Variants in MGST2 observed in about 807,000 individuals in gnomAD.
MGST2 encodes the protein glutathione peroxidase MGST2.
MGST2 carries 9 observed loss-of-function variants against 16.6 expected under a neutral mutation model. That is an observed-to-expected ratio of 0.54 (90% confidence interval 0.33 to 0.95). MGST2 has a LOEUF of 0.95. MGST2 is among the 40% of genes least tolerant of loss of function. MGST2 has a pLI of 0.03. For missense variants in MGST2, 159 were observed against 175.1 expected (o/e 0.91, Z 0.52); for synonymous variants, 79 against 68.0 (o/e 1.16, Z -0.79).
chr4:139,681,588 T>C (rs1201145563), intron 2 of MGST2, among the ~76,000 whole-genome samples: 1 of 152,236 alleles, frequency 6.6e-6, no homozygotes, highest in Non-Finnish European at 1.5e-5. Flanking sequence ...TTGTTGGTGC[T>C]GATGTTAAAC....
intron 1 of MGST2, among the ~76,000 whole-genome samples, chr4:139,668,384 G>A (rs1395396303): frequency 6.6e-6 from 1 of 152,184 alleles, no homozygotes; most frequent in East Asian, 1.9e-4. Context: ...TCTACAGAAT[G>A]TAGACTTTCC....
chr4:139,727,425 G>A (rs765029660), intron 5 of MGST2, among the ~76,000 whole-genome samples: 11 of 152,150 alleles, frequency 7.2e-5, no homozygotes, highest in Non-Finnish European at 1.3e-4. Flanking sequence ...TCCCACTTAC[G>A]ACTAGGAATG....
chr4:139,675,799 T>C lies in MGST2; in HGVS notation c.59-2744T>C, dbSNP rs973054595. On this transcript the variant is annotated intron_variant, in intron 1 of 4. Transcript: ENST00000265498. ...GGTAATTTGGTCCATATTAGCCACA[T>C]ATGTCATGATAAATGATTACATTTG... Among the ~76,000 whole-genome samples, 6 of 152,358 alleles carry C rather than the reference T, an allele frequency of 3.9e-5. No individual in the cohort carries two copies. In the South Asian group the frequency reaches 1.0e-3, roughly 26 times the overall value.
chr4:139,733,553 G>A (rs1192564832), intron 5 of MGST2, among the ~76,000 whole-genome samples: 1 of 106,022 alleles, frequency 9.4e-6, no homozygotes, highest in Non-Finnish European at 1.9e-5. Flanking sequence ...CAAAAGCACA[G>A]TGTGAAAAAA....
intron 1 of MGST2, among the ~76,000 whole-genome samples, chr4:139,671,487 C>G (rs8192024): frequency 5.3e-5 from 8 of 150,744 alleles, no homozygotes; most frequent in Non-Finnish European, 8.9e-5. Context: ...TATATATTTT[C>G]AGACCTACTG....
chr4:139,725,269 A>ATTCTTCCAC (rs1728422339), intron 5 of MGST2, among the ~76,000 whole-genome samples: 1 of 152,212 alleles, frequency 6.6e-6, no homozygotes, highest in South Asian at 2.1e-4. Flanking sequence ...TGCAAGCCAG[A>ATTCTTCCAC]TTCTTCCACT....
chr4:139,692,658 T>C (rs1179106961), intron 2 of MGST2, among the ~76,000 whole-genome samples: 1 of 152,236 alleles, frequency 6.6e-6, no homozygotes, highest in Non-Finnish European at 1.5e-5. Flanking sequence ...GTCTCTGGTT[T>C]CCCATTAGGT....
At chr4:139,698,479 C>A in intron 3 of MGST2, 1 of 1,196,590 alleles carries the variant, frequency 8.4e-7, no homozygotes. Context: ...CTCTTGCGAG[C>A]GGCTTTTGTA....
downstream of MGST2, among the ~76,000 whole-genome samples, chr4:139,708,127 T>C (rs1196747688): frequency 6.6e-6 from 1 of 152,198 alleles, no homozygotes; most frequent in Non-Finnish European, 1.5e-5. Context: ...ATGAAGTCCT[T>C]GTCCTTGCCC....
At chr4:139,716,041 A>C (rs955570499) in intron 5 of MGST2, among the ~76,000 whole-genome samples, 3 of 152,160 alleles carry the variant, frequency 2.0e-5, no homozygotes, top group Non-Finnish European at 4.4e-5. Flanking sequence ...GTGGGATTGC[A>C]GGTGTAAGCT....
intron 2 of MGST2, among the ~76,000 whole-genome samples, chr4:139,689,736 C>T (rs1260999816): frequency 6.6e-6 from 1 of 152,186 alleles, no homozygotes; most frequent in Non-Finnish European, 1.5e-5. Context: ...CTACTGTGAA[C>T]CTGGCATTAG....
At chr4:139,742,273 C>T (rs1268602233), downstream of MGST2, among the ~76,000 whole-genome samples, 1 of 152,074 alleles carries the variant, frequency 6.6e-6, no homozygotes, top group African/African-American at 2.4e-5. Context: ...CTCAGCCTCC[C>T]TAGTAGCTGG....
intron 5 of MGST2, chr4:139,716,970 A>C (rs934697168): frequency 6.6e-6 from 1 of 152,640 alleles, no homozygotes; most frequent in African/African-American, 2.4e-5. Flanking sequence ...TGTCATCTGA[A>C]GTGCAATACC....
At chr4:139,695,341 GC>G in intron 3 of MGST2, 74 bp downstream of exon 3, 1 of 1,261,564 alleles carries the variant, frequency 7.9e-7, no homozygotes, top group Non-Finnish European at 1.2e-6. Flanking sequence ...TAGATATATG[GC>G]CAGGCACGGT....
At chr4:139,708,805 C>G (rs1191102438), downstream of MGST2, among the ~76,000 whole-genome samples, 1 of 151,846 alleles carries the variant, frequency 6.6e-6, no homozygotes, top group Non-Finnish European at 1.5e-5. Context: ...GAGTTTGAGA[C>G]CAGCCTGACC....
In MGST2 at chr4:139,715,864, C is replaced by G. The variant is rs1280713067; in HGVS notation, c.*48+11668C>G. Among the ~76,000 whole-genome samples the G allele has an allele frequency of 6.6e-6, 1 of 152,204 alleles. No individual in the cohort carries two copies. The highest frequency in any genetic ancestry group is 1.5e-5 in the Non-Finnish European group (1 of 68,034). ...CGTGTATTTTGTGCTGAACTCCTAT[C>G]TCATCCTGTGACTTAGAATGCCTTA... is the stretch of plus-strand genomic sequence containing the variant. On this transcript the variant is annotated intron_variant, in intron 5 of 5. Transcript: ENST00000616265. The surrounding 1 kb of genome is among the most constrained non-coding windows in gnomAD (Gnocchi z 4.4).
chr4:139,731,372 T>TTGGG (rs1337950240), intron 5 of MGST2: 1 of 141,934 alleles, frequency 7.0e-6, no homozygotes, highest in African/African-American at 2.7e-5. Flanking sequence ...GCCCAGTACT[T>TTGGG]TGGGTGGATC....
the MGST2 span, among the ~76,000 whole-genome samples, chr4:139,754,195 T>C: frequency 2.0e-5 from 3 of 152,198 alleles, no homozygotes; most frequent in Admixed American, 2.0e-4. Flanking sequence ...CAAAGGTGTA[T>C]TAGGGAGGTC....
At chr4:139,720,193 G>A (rs760881373) in intron 5 of MGST2, 52 of 1,613,892 alleles carry the variant, frequency 3.2e-5, no homozygotes, top group South Asian at 2.1e-4. Context: ...GCGCAGCTGC[G>A]GTGGCCATCG....
Sources: allele counts gnomAD v4.1 joint callset (sites outside exome capture counted in the v4.1 genomes callset), GRCh38; gene constraint gnomAD v4.1.1; non-coding constraint Gnocchi (gnomAD v3.1); transcripts MANE v1.5; gene names NCBI Gene and HGNC (gene_info 2026-07-23, HGNC 2026-07-21).